TMEM165: variants seen among roughly 807,000 people sequenced by gnomAD.
TMEM165 encodes the protein putative divalent cation/proton antiporter TMEM165.
A neutral mutation model predicts 30.0 loss-of-function variants in TMEM165; 19 were observed. The observed-to-expected ratio is 0.63, with a 90% CI of 0.44 to 0.93. The LOEUF (loss-of-function observed/expected upper bound fraction) is 0.93. TMEM165 is among the 40% of genes least tolerant of loss of function. The probability of loss-of-function intolerance (pLI) is 0.00; values close to 1 mark genes in which losing one functional copy is unlikely to be tolerated. For missense variants in TMEM165, 340 were observed against 417.0 expected (o/e 0.82, Z 1.61); for synonymous variants, 168 against 162.9 (o/e 1.03, Z -0.24).
At chr4:55,440,791 G>C (rs977331471) in intron 3 of TMEM165, among the ~76,000 whole-genome samples, 2 of 152,088 alleles carry the variant, frequency 1.3e-5, no homozygotes, top group African/African-American at 4.8e-5. Flanking sequence ...CACTTCTGCA[G>C]CTTTGTATAC....
Position 55,447,242 on chromosome 4 carries a change from C to G in TMEM165, c.409-4997C>G, listed in dbSNP as rs1723935396. 2.0e-5 allele frequency among the ~76,000 whole-genome samples: 3 copies of G among 152,006 alleles called. No homozygotes were observed. The South Asian group carries it at 6.2e-4, about 31-fold the overall frequency. On this transcript the variant is annotated intron_variant, in intron 3 of 3. Coordinates refer to the TMEM165 transcript ENST00000608091. Reference sequence around the variant, plus strand: ...ACTAGCCGGGTGTGGTGGCATGTGCCTGTAGTCCCAGCTACTCGGGAGACT... The same window carrying G: ...ACTAGCCGGGTGTGGTGGCATGTGCGTGTAGTCCCAGCTACTCGGGAGACT...
intron 2 of TMEM165, chr4:55,415,568 G>C (rs1215946855): frequency 6.6e-6 from 1 of 152,244 alleles, no homozygotes; most frequent in East Asian, 1.9e-4. Context: ...TTTGCCTCTT[G>C]TCTTTTTCAG....
At chr4:55,403,503 T>TC (rs1215812807) in intron 1 of TMEM165, among the ~76,000 whole-genome samples, 1 of 148,488 alleles carries the variant, frequency 6.7e-6, no homozygotes, top group Non-Finnish European at 1.5e-5. Flanking sequence ...TTTTTCTTTT[T>TC]TTTTTTTTTA....
chr4:55,443,776 T>A, intron 3 of TMEM165: 1 of 1,614,098 alleles, frequency 6.2e-7, no homozygotes, highest in Non-Finnish European at 8.5e-7. Context: ...TGAATCTGGT[T>A]AGTAGGAACA....
chr4:55,435,350 C>A, intron 3 of TMEM165: 2 of 1,578,816 alleles, frequency 1.3e-6, no homozygotes, highest in South Asian at 2.2e-5. Context: ...TTCCTCAGGT[C>A]ATCTGAGTAA....
intron 1 of TMEM165, among the ~76,000 whole-genome samples, chr4:55,410,837 A>G (rs1721465275): frequency 6.6e-6 from 1 of 152,192 alleles, no homozygotes; most frequent in Non-Finnish European, 1.5e-5. Context: ...ATGCCTAACA[A>G]ATAAGGTAAT....
chr4:55,400,800 A>G (rs1720968599), intron 1 of TMEM165, among the ~76,000 whole-genome samples: 1 of 150,464 alleles, frequency 6.6e-6, no homozygotes, highest in South Asian at 2.1e-4. Context: ...GGTACTCACT[A>G]TGCTGAAAGA....
intron 2 of TMEM165, 71 bp from the exon 3 acceptor site, chr4:55,417,001 T>G: frequency 7.4e-7 from 1 of 1,343,188 alleles, no homozygotes; most frequent in African/African-American, 1.5e-5. Flanking sequence ...AAATTATTAT[T>G]TCCGAAGTTA....
At chr4:55,409,865 G>C (rs1721413363) in intron 1 of TMEM165, among the ~76,000 whole-genome samples, 1 of 152,166 alleles carries the variant, frequency 6.6e-6, no homozygotes, top group Non-Finnish European at 1.5e-5. Flanking sequence ...GCTAAAACCT[G>C]CCATCTCTAA....
exon 4 of TMEM165, chr4:55,453,122 C>G: frequency 6.2e-7 from 1 of 1,612,716 alleles, no homozygotes; most frequent in Non-Finnish European, 8.5e-7. Flanking sequence ...GCCCTAACTT[C>G]TGCATAACTA....
chr4:55,419,440 G>A (rs1423364613), intron 4 of TMEM165, among the ~76,000 whole-genome samples: 1 of 152,212 alleles, frequency 6.6e-6, no homozygotes, highest in Non-Finnish European at 1.5e-5. Context: ...GAGAGATCGG[G>A]TGACTTGTGT....
At chr4:55,446,551 G>A (rs987452632) in intron 3 of TMEM165, among the ~76,000 whole-genome samples, 2 of 152,114 alleles carry the variant, frequency 1.3e-5, no homozygotes, top group African/African-American at 4.8e-5. Context: ...ACTATCCTCA[G>A]ATAAGTATAG....
chr4:55,452,742 C>T, exon 4 of TMEM165: 1 of 203,884 alleles, frequency 4.9e-6, no homozygotes, highest in Non-Finnish European at 1.0e-5. Context: ...GGGATATTAC[C>T]TACCCGATAA....
At chr4:55,414,663 GATATTGC>G in intron 2 of TMEM165, among the ~76,000 whole-genome samples, 1 of 152,260 alleles carries the variant, frequency 6.6e-6, no homozygotes. Flanking sequence ...GTCTAGGTCA[GATATTGC>G]ATTTAGTTAT....
rs36064611 is a variant in TMEM165 at position 55,443,475 on chromosome 4, CAA to C, written c.409-8752_409-8751del. Among the ~76,000 whole-genome samples the C allele has an allele frequency of 4.2e-3, 504 of 119,992 alleles. 4 individuals are homozygous for C. The highest frequency in any genetic ancestry group is 5.0e-3 in the Non-Finnish European group (299 of 59,214). 78.7% of individuals were successfully genotyped at this position (119,992 alleles called of 152,430 possible). On this transcript the variant is annotated intron_variant, in intron 3 of 3. Coordinates refer to the TMEM165 transcript ENST00000608091. ...GGGCAACAGGAGCAAAACTCCGTCT[CAA>C]AAAAAAAAAAAGAAAAAAAAAAGCT...
intron 1 of TMEM165, among the ~76,000 whole-genome samples, chr4:55,403,491 T>TC (rs1721124808): frequency 1.0e-5 from 1 of 95,626 alleles, no homozygotes. Context: ...GGTGCCTTTT[T>TC]CTTTTTCTTT....
rs1007642381 is a variant in TMEM165 at position 55,425,534 on chromosome 4, A to G, written c.*82A>G. Reference sequence around the variant, plus strand: ...ATAGTGTACATTACAACTAAAAGTGATGGAAAAATACTGTATTTTGTAGCA... The same window carrying G: ...ATAGTGTACATTACAACTAAAAGTGGTGGAAAAATACTGTATTTTGTAGCA... On this transcript the variant is annotated 3_prime_UTR_variant, in exon 6 of 6. Transcript: ENST00000381334. The G allele has an allele frequency of 7.3e-6, 8 of 1,098,962 alleles. No homozygotes were observed. The highest frequency in any genetic ancestry group is 1.1e-5 in the Non-Finnish European group (8 of 736,546). 68.1% of individuals were successfully genotyped at this position (1,098,962 alleles called of 1,614,324 possible).
chr4:55,441,639 C>T (rs529023492), intron 3 of TMEM165, among the ~76,000 whole-genome samples: 5 of 152,266 alleles, frequency 3.3e-5, no homozygotes, highest in Admixed American at 6.5e-5. Flanking sequence ...AATGGAAAAC[C>T]AAACACCATA....
intron 3 of TMEM165, 36 bp from the exon 4 acceptor site, chr4:55,417,767 C>A: frequency 6.7e-7 from 1 of 1,499,568 alleles, no homozygotes; most frequent in East Asian, 2.3e-5. Flanking sequence ...GATTTGCTTC[C>A]TGTGCTTACT....
Sources: gnomAD v4.1 joint callset for allele counts (sites outside exome capture counted in the v4.1 genomes callset) on GRCh38, gnomAD v4.1.1 for gene constraint, MANE v1.5 for transcripts, NCBI Gene and HGNC (gene_info 2026-07-23, HGNC 2026-07-21) for gene names.